The following PHACTR1 variants were observed in gnomAD, a reference collection of about 807,000 sequenced individuals.
PHACTR1 encodes RPEL repeat containing 1.
A neutral mutation model predicts 69.2 loss-of-function variants in PHACTR1; 16 were observed. The ratio of observed to expected loss-of-function variants is 0.23; its 90% CI spans 0.16 to 0.35. PHACTR1 has a LOEUF of 0.35. PHACTR1 is among the 10% of genes least tolerant of loss of function. The pLI is 1.00. For missense variants in PHACTR1, 510 were observed against 734.7 expected, an observed-to-expected ratio of 0.69 and a Z score of 3.54; for synonymous variants, 312 against 284.5, an observed-to-expected ratio of 1.10 and a Z score of -0.97.
rs145402183 is a variant in PHACTR1, at chr6:12,990,999, A to G, written c.251-62366A>G. ...GGTCTGGGGTTTATATGGGCACAGG[A>G]TAGCAGGGCGAGGCAGGCCAAAAAG... On this transcript the variant is annotated intron_variant, in intron 4 of 14. Transcript: ENST00000332995. Among the ~76,000 whole-genome samples, 152 of 152,236 alleles carry G rather than the reference A, an allele frequency of 1.0e-3. 1 individual carries two copies. The highest frequency in any genetic ancestry group is 3.6e-3 in the African/African-American group (149 of 41,556).
intron 4 of PHACTR1, among the ~76,000 whole-genome samples, chr6:13,033,192 C>T (rs1802732535): frequency 6.6e-6 from 1 of 152,154 alleles, no homozygotes; most frequent in Admixed American, 6.5e-5. Context: ...CCTTTAAACT[C>T]TCTTATTTAA....
chr6:12,991,638 A>G (rs1796831213), intron 4 of PHACTR1, among the ~76,000 whole-genome samples: 1 of 152,200 alleles, frequency 6.6e-6, no homozygotes, highest in Non-Finnish European at 1.5e-5. Flanking sequence ...CCTCATCAGC[A>G]TTTTGTTGCC....
At chr6:13,255,264 G>A (rs1775021827) in intron 10 of PHACTR1, among the ~76,000 whole-genome samples, 1 of 152,044 alleles carries the variant, frequency 6.6e-6, no homozygotes, top group Non-Finnish European at 1.5e-5. Context: ...CAACACCAAG[G>A]GGAAGGTGCT....
At chr6:12,987,880 C>T (rs1318468020) in intron 4 of PHACTR1, among the ~76,000 whole-genome samples, 1 of 152,232 alleles carries the variant, frequency 6.6e-6, no homozygotes, top group East Asian at 1.9e-4. Flanking sequence ...GAGAATCTCA[C>T]TCACATGAAA....
At chr6:13,237,093 T>C (rs1178732295) in intron 10 of PHACTR1, among the ~76,000 whole-genome samples, 1 of 152,220 alleles carries the variant, frequency 6.6e-6, no homozygotes, top group East Asian at 1.9e-4. Context: ...TTAGACTTTA[T>C]AGGACTGGCA....
chr6:13,246,563 T>C lies in PHACTR1; in HGVS notation c.1391+16370T>C, dbSNP rs147099287. 1.5e-3 allele frequency among the ~76,000 whole-genome samples: 226 copies of C among 152,140 alleles called. 1 individual carries two copies. Among genetic ancestry groups the C allele is most frequent in the African/African-American group, 4.5e-3 (186 of 41,548 alleles). ...CAAATGATAAGTGAAACTCTAATCA[T>C]GTATACTTATTAAGAATTATCTGTT... On this transcript the variant is annotated intron_variant, in intron 10 of 14. Transcript: ENST00000332995. This position sits in a 1 kb window ranked among gnomAD's most constrained non-coding sequence, Gnocchi z 4.2.
chr6:13,232,667 A>C (rs1358329395), intron 10 of PHACTR1, among the ~76,000 whole-genome samples: 1 of 151,534 alleles, frequency 6.6e-6, no homozygotes, highest in Non-Finnish European at 1.5e-5. Flanking sequence ...CCCCCATAAC[A>C]TGGCATGCTG....
At chr6:12,919,800 G>A (rs1208962518) in intron 4 of PHACTR1, among the ~76,000 whole-genome samples, 1 of 152,116 alleles carries the variant, frequency 6.6e-6, no homozygotes. Context: ...AGGAGAGAGA[G>A]AGCCCTACAT....
At chr6:13,153,313 T>C (rs1379762623) in intron 5 of PHACTR1, among the ~76,000 whole-genome samples, 1 of 152,230 alleles carries the variant, frequency 6.6e-6, no homozygotes, top group Admixed American at 6.5e-5. Context: ...TTAGAGAGCC[T>C]TCCTTGGACA....
chr6:12,980,736 G>C (rs763487617), intron 4 of PHACTR1, among the ~76,000 whole-genome samples: 1 of 152,132 alleles, frequency 6.6e-6, no homozygotes, highest in Non-Finnish European at 1.5e-5. Context: ...CTTCATTCTA[G>C]AGACACTGGT....
At chr6:12,814,913 A>G (rs1775415149) in intron 4 of PHACTR1, among the ~76,000 whole-genome samples, 1 of 152,184 alleles carries the variant, frequency 6.6e-6, no homozygotes, top group Non-Finnish European at 1.5e-5. Flanking sequence ...CTCAAAACAC[A>G]ACATGCTTCA....
At chr6:13,108,663 G>A (rs1193403934) in intron 5 of PHACTR1, among the ~76,000 whole-genome samples, 1 of 151,924 alleles carries the variant, frequency 6.6e-6, no homozygotes, top group East Asian at 1.9e-4. Flanking sequence ...CATTAATATA[G>A]CATTCCAGCT....
intron 4 of PHACTR1, 48 bp from the exon 5 acceptor site, chr6:13,053,317 A>T (rs1343760267): frequency 2.6e-6 from 4 of 1,524,866 alleles, no homozygotes; most frequent in Non-Finnish European, 3.5e-6. Context: ...TCCCATTTTA[A>T]CACTTTTTTT....
chr6:13,060,370 G>T (rs1807485991), intron 5 of PHACTR1, among the ~76,000 whole-genome samples: 1 of 152,158 alleles, frequency 6.6e-6, no homozygotes, highest in Non-Finnish European at 1.5e-5. Flanking sequence ...GACAAGATGG[G>T]TGATGGAGGA....
chr6:13,217,657 G>T (rs1767892396), intron 8 of PHACTR1, among the ~76,000 whole-genome samples: 1 of 152,062 alleles, frequency 6.6e-6, no homozygotes, highest in African/African-American at 2.4e-5. Context: ...ATTCAGGAAG[G>T]CTCAGTACCC....
At chr6:13,093,936 A>G (rs978304513) in intron 5 of PHACTR1, among the ~76,000 whole-genome samples, 3 of 152,164 alleles carry the variant, frequency 2.0e-5, no homozygotes, top group African/African-American at 7.2e-5. Context: ...CAGTGGTGCA[A>G]TCACAACTCA....
intron 6 of PHACTR1, among the ~76,000 whole-genome samples, chr6:13,163,150 C>G (rs1759293253): frequency 6.6e-6 from 1 of 152,158 alleles, no homozygotes; most frequent in Admixed American, 6.5e-5. Flanking sequence ...GAGGCTGAGG[C>G]AGGAGAATCA....
intron 4 of PHACTR1, among the ~76,000 whole-genome samples, chr6:12,990,857 C>T (rs576780049): frequency 2.0e-5 from 3 of 152,030 alleles, no homozygotes; most frequent in Admixed American, 6.6e-5. Flanking sequence ...TTCCCAGAGA[C>T]GACCGGGCTC....
intron 4 of PHACTR1, among the ~76,000 whole-genome samples, chr6:12,800,187 A>G (rs1387540965): frequency 2.0e-5 from 3 of 152,120 alleles, no homozygotes; most frequent in African/African-American, 7.2e-5. Flanking sequence ...AAATCCAACC[A>G]TTTTCTAGGC....
Sources: allele counts gnomAD v4.1 joint callset (sites outside exome capture counted in the v4.1 genomes callset), GRCh38; gene constraint gnomAD v4.1.1; non-coding constraint Gnocchi (gnomAD v3.1); transcripts MANE v1.5; gene names NCBI Gene and HGNC (gene_info 2026-07-23, HGNC 2026-07-21).